The following ERBB4 variants were observed in gnomAD, a reference collection of about 807,000 sequenced individuals.
The protein encoded by ERBB4 is erb-b2 receptor tyrosine kinase 4.
A neutral mutation model predicts 158.0 loss-of-function variants in ERBB4; 42 were observed. The observed-to-expected ratio is 0.27, with a 90% CI of 0.21 to 0.34. ERBB4 has a LOEUF of 0.34. ERBB4 is among the 10% of genes least tolerant of loss of function. The probability of loss-of-function intolerance (pLI) is 1.00; values close to 1 mark genes in which losing one functional copy is unlikely to be tolerated. For missense variants in ERBB4, 1,333 were observed against 1,624.1 expected (o/e 0.82, Z 3.08); for synonymous variants, 583 against 558.7 (o/e 1.04, Z -0.61).
intron 2 of ERBB4, among the ~76,000 whole-genome samples, chr2:212,042,596 T>TTGACATTTAATCTACA (rs1238614484): frequency 6.6e-6 from 1 of 152,134 alleles, no homozygotes; most frequent in Admixed American, 6.6e-5. Flanking sequence ...ACTTGTCCAG[T>TTGACATTTAATCTACA]TGACATTTAA....
intron 1 of ERBB4, among the ~76,000 whole-genome samples, chr2:212,208,424 T>G (rs1223201475): frequency 2.6e-5 from 4 of 152,154 alleles, no homozygotes; most frequent in Non-Finnish European, 5.9e-5. Flanking sequence ...TGAAGAAAGA[T>G]TCAATGAAAG....
intron 1 of ERBB4, among the ~76,000 whole-genome samples, chr2:212,261,046 T>G (rs1173069314): frequency 1.3e-5 from 2 of 152,128 alleles, no homozygotes; most frequent in African/African-American, 4.8e-5. Context: ...TCTATAATAA[T>G]CCGGACTTTG....
intron 14 of ERBB4, among the ~76,000 whole-genome samples, chr2:211,668,306 T>C (rs985033013): frequency 2.0e-5 from 3 of 152,192 alleles, no homozygotes; most frequent in South Asian, 2.1e-4. Flanking sequence ...CTGACATAAC[T>C]AAAAATGTCC....
chr2:211,536,491 G>A (rs562883804), intron 20 of ERBB4, among the ~76,000 whole-genome samples: 2 of 152,096 alleles, frequency 1.3e-5, no homozygotes, highest in Non-Finnish European at 2.9e-5. Flanking sequence ...GCAAACACTT[G>A]GAAAAGTCCC....
At chr2:212,304,307 C>A (rs1349524331) in intron 1 of ERBB4, among the ~76,000 whole-genome samples, 3 of 151,470 alleles carry the variant, frequency 2.0e-5, no homozygotes, top group African/African-American at 7.3e-5. Flanking sequence ...CCCTGCCATT[C>A]CAAACTATAC....
chr2:212,024,508 T>C (rs912454195), intron 2 of ERBB4, among the ~76,000 whole-genome samples: 1 of 151,988 alleles, frequency 6.6e-6, no homozygotes, highest in African/African-American at 2.4e-5. Flanking sequence ...AGGCTCAAGT[T>C]GTTCCTTAGA....
At chr2:211,750,758 T>A in intron 4 of ERBB4, 54 bp from the exon 5 acceptor site, 8 of 1,411,434 alleles carry the variant, frequency 5.7e-6, no homozygotes, top group African/African-American at 1.4e-5. Context: ...TTTCACTCCT[T>A]GACTAGGAGT....
At chr2:212,508,316 C>T (rs775833396) in intron 1 of ERBB4, among the ~76,000 whole-genome samples, 1 of 151,912 alleles carries the variant, frequency 6.6e-6, no homozygotes, top group Non-Finnish European at 1.5e-5. Flanking sequence ...CTTAGGTATG[C>T]CTTCATATTA....
rs2062623560 is a variant in ERBB4 at position 211,383,777 on chromosome 2, G to A, written c.3765C>T (p.His1255=). 3 of 1,613,940 alleles carry A rather than the reference G, an allele frequency of 1.9e-6. No individual in the cohort carries two copies. The highest frequency in any genetic ancestry group is 3.3e-5 in the Admixed American group (2 of 59,984). The part of the protein sequence containing the change: ...HSLPPRSTLQ[H]PDYLQEYSTK... ...TGCTGTACTCCTGCAGGTAGTCTGG[G>A]TGCTGAAGGGTGCTCCGAGGTGGCA... Residue 1255 remains histidine (H), a synonymous_variant, in exon 28 of 28, where the codon CAC becomes CAT. Coordinates refer to ENST00000342788, the MANE Select transcript of ERBB4 (RefSeq NM_005235.3).
At chr2:211,705,825 G>A (rs181266003) in intron 9 of ERBB4, among the ~76,000 whole-genome samples, 8 of 152,236 alleles carry the variant, frequency 5.3e-5, no homozygotes, top group East Asian at 1.9e-4. Context: ...CCTGGAATTC[G>A]TAAGAAGGAC....
chr2:212,335,577 A>AT (rs2088397550), intron 1 of ERBB4, among the ~76,000 whole-genome samples: 1 of 152,064 alleles, frequency 6.6e-6, no homozygotes, highest in Admixed American at 6.6e-5. Context: ...AATAACTGTT[A>AT]TAAGGAATGC....
intron 1 of ERBB4, among the ~76,000 whole-genome samples, chr2:212,306,891 T>C (rs575197100): frequency 6.6e-6 from 1 of 151,574 alleles, no homozygotes; most frequent in South Asian, 2.1e-4. Context: ...TTATGTCTTC[T>C]GTTAATATAA....
At chr2:211,977,327 A>T (rs1388209152) in intron 2 of ERBB4, among the ~76,000 whole-genome samples, 1 of 152,140 alleles carries the variant, frequency 6.6e-6, no homozygotes, top group Non-Finnish European at 1.5e-5. Context: ...TGAGACTGTC[A>T]GAAAGAAAGA....
At chr2:212,045,313 G>C (rs567322214) in intron 2 of ERBB4, among the ~76,000 whole-genome samples, 5 of 152,106 alleles carry the variant, frequency 3.3e-5, no homozygotes, top group African/African-American at 1.2e-4. Flanking sequence ...ACAAAAATTA[G>C]CCAGACATGT....
chr2:211,820,577 T>C (rs540994009), intron 3 of ERBB4, among the ~76,000 whole-genome samples: 1 of 151,996 alleles, frequency 6.6e-6, no homozygotes, highest in South Asian at 2.1e-4. Flanking sequence ...TTCTTCCTCA[T>C]TTAACTAGGC....
chr2:211,995,796 G>A (rs1180152419), intron 2 of ERBB4, among the ~76,000 whole-genome samples: 1 of 152,044 alleles, frequency 6.6e-6, no homozygotes, highest in African/African-American at 2.4e-5. Context: ...ACCCAGCAAA[G>A]CTTTCCAGCT....
intron 1 of ERBB4, among the ~76,000 whole-genome samples, chr2:212,526,220 C>T (rs758995341): frequency 2.6e-5 from 4 of 152,036 alleles, no homozygotes; most frequent in African/African-American, 7.2e-5. Flanking sequence ...TAGCATGTAT[C>T]GGATCTAAAT....
chr2:212,332,627 C>T (rs181492123), intron 1 of ERBB4, among the ~76,000 whole-genome samples: 3 of 151,964 alleles, frequency 2.0e-5, no homozygotes, highest in East Asian at 1.9e-4. Context: ...TCTTTCCAAG[C>T]GTTCTGGCAT....
chr2:212,098,851 C>T (rs1369223339), intron 2 of ERBB4, among the ~76,000 whole-genome samples: 1 of 152,088 alleles, frequency 6.6e-6, no homozygotes, highest in Non-Finnish European at 1.5e-5. Context: ...CAATTAATGA[C>T]TCCTATATTT....
Sources: gnomAD v4.1 joint callset for allele counts (sites outside exome capture counted in the v4.1 genomes callset) on GRCh38, gnomAD v4.1.1 for gene constraint, MANE v1.5 for transcripts, NCBI Gene and HGNC (gene_info 2026-07-23, HGNC 2026-07-21) for gene names.